KLF15: variants seen among roughly 807,000 people sequenced by gnomAD.
The protein encoded by KLF15 is KLF transcription factor 15, also known as Krueppel-like factor 15.
Under a neutral mutation model 24.6 loss-of-function variants are expected in KLF15, and 4 were observed. The ratio of observed to expected loss-of-function variants is 0.16; its 90% CI spans 0.08 to 0.37. The LOEUF (loss-of-function observed/expected upper bound fraction) is 0.37. Among genes scored for constraint, KLF15 ranks in the 10% least tolerant of loss-of-function variants. The probability of loss-of-function intolerance (pLI) is 1.00; values close to 1 mark genes in which losing one functional copy is unlikely to be tolerated. For missense variants in KLF15, 496 were observed against 560.6 expected, an observed-to-expected ratio of 0.88 and a Z score of 1.16; for synonymous variants, 246 against 236.3, an observed-to-expected ratio of 1.04 and a Z score of -0.37.
At chr3:126,315,815 G>C in the KLF15 span, among the ~76,000 whole-genome samples, 117 of 152,278 alleles carry the variant, frequency 7.7e-4, 1 homozygote, top group African/African-American at 2.8e-3. Flanking sequence ...CCTGGACTGT[G>C]CCACTTCTGA....
chr3:126,317,953 C>T, the KLF15 span, among the ~76,000 whole-genome samples: 1 of 152,188 alleles, frequency 6.6e-6, no homozygotes. Flanking sequence ...TGGTGACTCA[C>T]ATACATTCTG....
chr3:126,344,576 T>G (rs1160514005), intron 2 of KLF15, among the ~76,000 whole-genome samples: 1 of 152,188 alleles, frequency 6.6e-6, no homozygotes, highest in Non-Finnish European at 1.5e-5. Flanking sequence ...GCCCTGATGC[T>G]GGCTGCCTCT....
Position 126,352,362 on chromosome 3 carries a change from G to T in KLF15, c.561C>A (p.Ser187Arg). 2 of 1,606,666 alleles carry T rather than the reference G, an allele frequency of 1.2e-6. No homozygotes were observed. The highest frequency in any genetic ancestry group is 1.7e-6 in the Non-Finnish European group (2 of 1,176,812). Reference sequence around the variant, plus strand: ...GTGGAGGGGAACAGCGCTCTCTCCCGCTGGACCCAGGATGGAGGTGGCTCT... The same window carrying T: ...GTGGAGGGGAACAGCGCTCTCTCCCTCTGGACCCAGGATGGAGGTGGCTCT... ...PHKSHLHPGS[S>R]GRERCSPPPG... The change falls in exon 2 of 3, where the codon AGC (serine) becomes AGA (arginine). Residue 187 changes from serine to arginine, a missense_variant. Physicochemically the swap from Ser to Arg is moderately radical, Grantham distance 110. Around this residue, in one of 3 missense-constraint regions of KLF15, gnomAD observed 399 missense variants for 423.1 expected, o/e 0.94. Coordinates refer to ENST00000296233, the MANE Select transcript of KLF15 (RefSeq NM_014079.4).
At chr3:126,323,424 TATATATATATAACATATATATGTTATATA>T in the KLF15 span, among the ~76,000 whole-genome samples, 1 of 25,942 alleles carries the variant, frequency 3.9e-5, no homozygotes, top group Admixed American at 5.6e-4. Context: ...TATATATATA[TATATATATATAACATATATATGTTATATA>T]TATATATAAC....
At chr3:126,320,370 T>G in the KLF15 span, among the ~76,000 whole-genome samples, 6 of 152,232 alleles carry the variant, frequency 3.9e-5, no homozygotes, top group Non-Finnish European at 5.9e-5. Flanking sequence ...TGAATGAAAT[T>G]GACAGCAAGG....
At chr3:126,313,396 C>T in the KLF15 span, among the ~76,000 whole-genome samples, 1 of 152,224 alleles carries the variant, frequency 6.6e-6, no homozygotes, top group Non-Finnish European at 1.5e-5. Context: ...AAGGGCCCAT[C>T]CTACTCCAGA....
chr3:126,306,139 T>C, the KLF15 span, among the ~76,000 whole-genome samples: 1 of 152,180 alleles, frequency 6.6e-6, no homozygotes, highest in East Asian at 1.9e-4. Context: ...TCATGCATCG[T>C]ACTGAGGAGA....
At chr3:126,301,362 C>T in the KLF15 span, among the ~76,000 whole-genome samples, 1 of 152,158 alleles carries the variant, frequency 6.6e-6, no homozygotes, top group Non-Finnish European at 1.5e-5. Context: ...GGACGGCTTC[C>T]CAGCTGCCCT....
the KLF15 span, among the ~76,000 whole-genome samples, chr3:126,323,946 C>A: frequency 6.6e-6 from 1 of 151,334 alleles, no homozygotes; most frequent in East Asian, 1.9e-4. Context: ...ATATGTGCAA[C>A]ATTTTCTTTA....
the KLF15 span, among the ~76,000 whole-genome samples, chr3:126,316,025 T>C: frequency 1.3e-5 from 2 of 152,250 alleles, no homozygotes; most frequent in Admixed American, 1.3e-4. Context: ...CCCACTGCTG[T>C]CTGTCTCTGT....
the KLF15 span, among the ~76,000 whole-genome samples, chr3:126,298,781 T>G: frequency 6.6e-6 from 1 of 152,198 alleles, no homozygotes; most frequent in Non-Finnish European, 1.5e-5. Flanking sequence ...GCTGTAAATA[T>G]TTGGCTTTAT....
chr3:126,292,871 A>T, the KLF15 span, among the ~76,000 whole-genome samples: 3 of 152,082 alleles, frequency 2.0e-5, no homozygotes, highest in East Asian at 5.8e-4. Flanking sequence ...AAGCCAGGAG[A>T]GGACAAATCT....
chr3:126,296,998 C>T, the KLF15 span, among the ~76,000 whole-genome samples: 1 of 152,076 alleles, frequency 6.6e-6, no homozygotes, highest in Admixed American at 6.6e-5. Context: ...TGGACTTGAA[C>T]TCTGGGCTGA....
the KLF15 span, among the ~76,000 whole-genome samples, chr3:126,304,268 G>A: frequency 0.037 from 5,626 of 152,152 alleles, 291 homozygotes; most frequent in African/African-American, 0.12. Context: ...ATTTGTTATC[G>A]ATGCAAGACC....
chr3:126,345,087 T>G (rs2082523174), intron 2 of KLF15, among the ~76,000 whole-genome samples: 1 of 151,954 alleles, frequency 6.6e-6, no homozygotes. Context: ...TACTGTTCCC[T>G]CTTTCTAGAA....
At chr3:126,318,609 A>G in the KLF15 span, among the ~76,000 whole-genome samples, 1 of 152,240 alleles carries the variant, frequency 6.6e-6, no homozygotes, top group Non-Finnish European at 1.5e-5. Flanking sequence ...AAAATCTTCA[A>G]AAGTAATTTT....
the KLF15 span, among the ~76,000 whole-genome samples, chr3:126,302,673 C>T: frequency 2.0e-5 from 3 of 152,052 alleles, no homozygotes; most frequent in Non-Finnish European, 4.4e-5. Flanking sequence ...ATATTCTTTG[C>T]TCTGAAATTT....
At chr3:126,344,148 C>A (rs1386504445) in intron 2 of KLF15, among the ~76,000 whole-genome samples, 1 of 152,178 alleles carries the variant, frequency 6.6e-6, no homozygotes, top group African/African-American at 2.4e-5. Flanking sequence ...CAGCTCACTG[C>A]AGCCTCCCGG....
At chr3:126,323,457 ATATAACATATATATGT>A in the KLF15 span, among the ~76,000 whole-genome samples, 1 of 98,426 alleles carries the variant, frequency 1.0e-5, no homozygotes, top group African/African-American at 4.7e-5. Flanking sequence ...TTATATATAT[ATATAACATATATATGT>A]TATATATATA....
Sources: gnomAD v4.1 joint callset for allele counts (sites outside exome capture counted in the v4.1 genomes callset) on GRCh38, gnomAD v4.1.1 for gene constraint, gnomAD v4.1.1 regional missense constraint, MANE v1.5 for transcripts, NCBI Gene and HGNC (gene_info 2026-07-23, HGNC 2026-07-21) for gene names.